Variants in TENT5A observed in about 807,000 individuals in gnomAD.
TENT5A encodes the protein terminal nucleotidyltransferase 5A.
TENT5A carries 9 observed loss-of-function variants against 30.2 expected under a neutral mutation model. That is an observed-to-expected ratio of 0.30 (90% CI 0.18 to 0.52). The LOEUF (loss-of-function observed/expected upper bound fraction) is 0.52, where lower values mean the gene tolerates loss of function less well. Among genes scored for constraint, TENT5A ranks in the 20% least tolerant of loss-of-function variants. TENT5A has a pLI of 0.97. For synonymous variants in TENT5A, 264 were observed against 234.2 expected, an observed-to-expected ratio of 1.13 and a Z score of -1.16; for missense variants, 411 against 566.1, an observed-to-expected ratio of 0.73 and a Z score of 2.78.
intron 2 of TENT5A, 31 bp downstream of exon 2, chr6:81,751,559 C>T: frequency 1.3e-6 from 2 of 1,569,504 alleles, no homozygotes; most frequent in Non-Finnish European, 8.7e-7. Context: ...CAGACTGGGT[C>T]AGGACCCAAG....
At position 81,746,955 on chromosome 6, in the gene TENT5A, T is replaced by G. The variant is rs1170545656; in HGVS notation, c.*2740A>C. 2.0e-6 allele frequency: 2 copies of G among 994,926 alleles called. No homozygotes were observed. The allele number at this position is 994,926 out of a possible 1,614,324, so 61.6% of individuals were successfully genotyped here. A position where few individuals can be genotyped will look rare whatever the true frequency, so the allele number is the denominator to read the frequency against. On this transcript the variant is annotated 3_prime_UTR_variant, in exon 3 of 3. Coordinates refer to ENST00000320172, the MANE Select transcript of TENT5A (RefSeq NM_017633.3). Reference sequence around the variant, plus strand: ...AGAAGTTGTCTTGAGTACAGCCTGTTCTATATGAATAGGTGCCAGGTGCTG... The same window carrying G: ...AGAAGTTGTCTTGAGTACAGCCTGTGCTATATGAATAGGTGCCAGGTGCTG...
At position 81,746,528 on chromosome 6, in the gene TENT5A, G is replaced by C. The variant is rs1310736870; in HGVS notation, c.*3167C>G. The stretch of plus-strand genomic sequence containing the variant: ...AGATACTTGATCCCATTTCTGGAAA[G>C]GAAATGTCCATCTTGGTGTAGGAGT... On this transcript the variant is annotated 3_prime_UTR_variant, in exon 3 of 3. Transcript: ENST00000320172. The C allele has an allele frequency of 1.6e-6, 2 of 1,231,932 alleles. No individual in the cohort carries two copies. The highest frequency in any genetic ancestry group is 3.1e-5 in the African/African-American group (2 of 64,386). The allele number at this position is 1,231,932 out of a possible 1,614,324, so 76.3% of individuals were successfully genotyped here.
Position 81,749,584 on chromosome 6 carries a change from A to G in TENT5A, c.*111T>C. 6.8e-7 allele frequency: 1 copy of G among 1,468,436 alleles called. No homozygotes were observed. Among genetic ancestry groups the G allele is most frequent in the Non-Finnish European group, 9.0e-7 (1 of 1,114,680 alleles). The allele number at this position is 1,468,436 out of a possible 1,614,324, so 91.0% of individuals were successfully genotyped here. On this transcript the variant is annotated 3_prime_UTR_variant, in exon 3 of 3. Transcript: ENST00000320172. ...AAAACCAGGAGCATATCATCATTGCACAAAACACATCCCTAATAAGGGCTG... is the reference window on the plus strand; with the variant it reads ...AAAACCAGGAGCATATCATCATTGCGCAAAACACATCCCTAATAAGGGCTG...
chr6:81,746,298 A>C lies in TENT5A; in HGVS notation c.*3397T>G. Reference sequence around the variant, plus strand: ...TTTCAACATAATACATTTCATTTACAAAATAGTTCACAATATTTATTTAAC... The same window carrying C: ...TTTCAACATAATACATTTCATTTACCAAATAGTTCACAATATTTATTTAAC... On this transcript the variant is annotated 3_prime_UTR_variant, in exon 3 of 3. Coordinates refer to ENST00000320172, the MANE Select transcript of TENT5A (RefSeq NM_017633.3). 1 of 1,211,604 alleles carries C rather than the reference A, an allele frequency of 8.3e-7. No individual in the cohort carries two copies. Among genetic ancestry groups the C allele is most frequent in the Non-Finnish European group, 1.0e-6 (1 of 975,674 alleles). The allele number at this position is 1,211,604 out of a possible 1,614,324, so 75.1% of individuals were successfully genotyped here.
In TENT5A at chr6:81,751,465, A is replaced by G. The variant is rs182392570; in HGVS notation, c.552+125T>C. On this transcript the variant is annotated intron_variant, in intron 2 of 2. Transcript: ENST00000320172. ...GTTTAAAAAATCAAAAATCAAAGAAATAACGCGCGCCCAAACTCGTGATGG... is the reference window on the plus strand; with the variant it reads ...GTTTAAAAAATCAAAAATCAAAGAAGTAACGCGCGCCCAAACTCGTGATGG... 2.6e-5 allele frequency: 23 copies of G among 885,778 alleles called. No individual in the cohort carries two copies. The Admixed American group carries it at 4.9e-4, about 19-fold the overall frequency. The allele number at this position is 885,778 out of a possible 1,614,324, so 54.9% of individuals were successfully genotyped here. A position where few individuals can be genotyped will look rare whatever the true frequency, so the allele number is the denominator to read the frequency against.
rs1768895941 is a variant in TENT5A, at chr6:81,746,821, C to T, written c.*2874G>A. 2.5e-6 allele frequency: 3 copies of T among 1,178,746 alleles called. No homozygotes were observed. Among genetic ancestry groups the T allele is most frequent in the Non-Finnish European group, 3.1e-6 (3 of 954,854 alleles). The allele number at this position is 1,178,746 out of a possible 1,614,324, so 73.0% of individuals were successfully genotyped here. On this transcript the variant is annotated 3_prime_UTR_variant, in exon 3 of 3. Transcript: ENST00000320172. ...ACCAGACATTCAAATTTTTAGGCCG[C>T]ACATCCACAAAGAGAGACATATATT...
In TENT5A at chr6:81,751,579, G is replaced by T; in HGVS notation, c.552+11C>A. 1 of 1,592,008 alleles carries T rather than the reference G, an allele frequency of 6.3e-7. No individual in the cohort carries two copies. The highest frequency in any genetic ancestry group is 8.6e-7 in the Non-Finnish European group (1 of 1,167,908). On this transcript the variant is annotated intron_variant, in intron 2 of 2. Transcript: ENST00000320172. ...TGGGTCAGGACCCAAGTGCATCTCG[G>T]GTGGTGTTACCTTGAGCGTGAGTGG...
rs1768897361 is a variant in TENT5A at position 81,746,890 on chromosome 6, C to A, written c.*2805G>T. The A allele has an allele frequency of 9.4e-7, 1 of 1,067,446 alleles. No homozygotes were observed. Among genetic ancestry groups the A allele is most frequent in the African/African-American group, 1.7e-5 (1 of 60,528 alleles). The allele number at this position is 1,067,446 out of a possible 1,614,324, so 66.1% of individuals were successfully genotyped here. A position where few individuals can be genotyped will look rare whatever the true frequency, so the allele number is the denominator to read the frequency against. ...CATATGCACAAGACTATAGTACACA[C>A]AAAATAGAAATAAATTATATAAGTC... On this transcript the variant is annotated 3_prime_UTR_variant, in exon 3 of 3. Coordinates refer to ENST00000320172, the MANE Select transcript of TENT5A (RefSeq NM_017633.3).
At position 81,748,171 on chromosome 6, in the gene TENT5A, G is replaced by C. The variant is rs755397941; in HGVS notation, c.*1524C>G. Reference sequence around the variant, plus strand: ...TTCATTAAAATTCATTTAAACATTAGCAAGTAGTGTTTAGATCACCGGAAA... The same window carrying C: ...TTCATTAAAATTCATTTAAACATTACCAAGTAGTGTTTAGATCACCGGAAA... On this transcript the variant is annotated 3_prime_UTR_variant, in exon 3 of 3. Coordinates refer to ENST00000320172, the MANE Select transcript of TENT5A (RefSeq NM_017633.3). 2.0e-6 allele frequency: 2 copies of C among 983,788 alleles called. No homozygotes were observed. Among genetic ancestry groups the C allele is most frequent in the African/African-American group, 1.8e-5 (1 of 57,104 alleles). 60.9% of individuals were successfully genotyped at this position (983,788 alleles called of 1,614,324 possible). A position where few individuals can be genotyped will look rare whatever the true frequency, so the allele number is the denominator to read the frequency against.
chr6:81,751,521 C>T, intron 2 of TENT5A, 69 bp downstream of exon 2: 1 of 1,405,178 alleles, frequency 7.1e-7, no homozygotes, highest in Admixed American at 2.1e-5. Flanking sequence ...ACCGATGCCC[C>T]TCTGCCCGCT....
Position 81,752,022 on chromosome 6 carries a change from GCC to G in TENT5A, c.118_119del (p.Gly40ArgfsTer153). The G allele has an allele frequency of 8.9e-7, 1 of 1,127,322 alleles. No homozygotes were observed. The highest frequency in any genetic ancestry group is 1.7e-5 in the South Asian group (1 of 57,180). 69.8% of individuals were successfully genotyped at this position (1,127,322 alleles called of 1,614,324 possible). A position where few individuals can be genotyped will look rare whatever the true frequency, so the allele number is the denominator to read the frequency against. The stretch of plus-strand genomic sequence containing the variant: ...CGAAGCTGCCGCCACCGCCGAAGTC[GCC>G]GCCGCCGAAGTCGCCGCCGCCGAAG... ...GDFGGGDFGG[G>X]DFGGGGSFGG... On this transcript the variant is annotated frameshift_variant, in exon 2 of 3. Transcript: ENST00000320172. LOFTEE classifies it high-confidence loss of function.
Position 81,748,436 on chromosome 6 carries a change from T to C in TENT5A, c.*1259A>G. 1.0e-6 allele frequency: 1 copy of C among 982,532 alleles called. No homozygotes were observed. Among genetic ancestry groups the C allele is most frequent in the Non-Finnish European group, 1.2e-6 (1 of 827,574 alleles). The allele number at this position is 982,532 out of a possible 1,614,324, so 60.9% of individuals were successfully genotyped here. ...CCCACTAAAACAGTATAATTTCTGC[T>C]CTTCCTATGAAATATATTACTTGGT... On this transcript the variant is annotated 3_prime_UTR_variant, in exon 3 of 3. Coordinates refer to ENST00000320172, the MANE Select transcript of TENT5A (RefSeq NM_017633.3).
chr6:81,748,384 A>T lies in TENT5A; in HGVS notation c.*1311T>A. ...ATTTGTGGAATTTTATGGCTCACCA[A>T]AGAAAAAAAAAAAAAGAAAAAAAAA... On this transcript the variant is annotated 3_prime_UTR_variant, in exon 3 of 3. Transcript: ENST00000320172. The T allele has an allele frequency of 1.0e-6, 1 of 982,158 alleles. No homozygotes were observed. The highest frequency in any genetic ancestry group is 1.2e-6 in the Non-Finnish European group (1 of 828,188). The allele number at this position is 982,158 out of a possible 1,614,324, so 60.8% of individuals were successfully genotyped here. A position where few individuals can be genotyped will look rare whatever the true frequency, so the allele number is the denominator to read the frequency against.
rs1016183457 is a variant in TENT5A, at chr6:81,746,807, A to C, written c.*2888T>G. ...CATGGCTCTCTCTCACCAGACATTC[A>C]AATTTTTAGGCCGCACATCCACAAA... On this transcript the variant is annotated 3_prime_UTR_variant, in exon 3 of 3. Transcript: ENST00000320172. 5.0e-6 allele frequency: 6 copies of C among 1,195,268 alleles called. No homozygotes were observed. In the South Asian group the frequency reaches 2.2e-4, roughly 43 times the overall value. The allele number at this position is 1,195,268 out of a possible 1,614,324, so 74.0% of individuals were successfully genotyped here.
chr6:81,749,720 T>C lies in TENT5A; in HGVS notation c.1304A>G (p.Tyr435Cys). 6.2e-7 allele frequency: 1 copy of C among 1,611,274 alleles called. No individual in the cohort carries two copies. The highest frequency in any genetic ancestry group is 1.7e-5 in the Admixed American group (1 of 59,470). The change falls in exon 3 of 3, where the codon TAC becomes TGC. Residue 435 changes from tyrosine to cysteine, a missense_variant. Around this residue, in one of 5 missense-constraint regions of TENT5A, gnomAD observed 75 missense variants for 80.9 expected, o/e 0.93. Coordinates refer to ENST00000320172, the MANE Select transcript of TENT5A (RefSeq NM_017633.3). The stretch of plus-strand genomic sequence containing the variant: ...TTAATTGCAGGGTAGCCAAGTGGAG[T>C]AGGTCTGTTGCTGGCACGTGAATAC... ...QPVFTCQQQT[Y>C]STWLPCN
chr6:81,747,091 G>A lies in TENT5A; in HGVS notation c.*2604C>T. ...AAGGCTCTTCCAAACAAAAATCTGT[G>A]TTATAAATTAACAGCAGGTTATTGT... On this transcript the variant is annotated 3_prime_UTR_variant, in exon 3 of 3. Coordinates refer to ENST00000320172, the MANE Select transcript of TENT5A (RefSeq NM_017633.3). 1 of 984,326 alleles carries A rather than the reference G, an allele frequency of 1.0e-6. No individual in the cohort carries two copies. Among genetic ancestry groups the A allele is most frequent in the Non-Finnish European group, 1.2e-6 (1 of 828,966 alleles). The allele number at this position is 984,326 out of a possible 1,614,324, so 61.0% of individuals were successfully genotyped here. A position where few individuals can be genotyped will look rare whatever the true frequency, so the allele number is the denominator to read the frequency against.
chr6:81,752,371 C>G lies in TENT5A; in HGVS notation c.-38+60G>C, dbSNP rs773120719. ...CGCACCGCGCCCCGCAGAGCAGCCCCGCACCAAAAGTATCTCTGATGCATC... is the reference window on the plus strand; with the variant it reads ...CGCACCGCGCCCCGCAGAGCAGCCCGGCACCAAAAGTATCTCTGATGCATC... On this transcript the variant is annotated intron_variant, in intron 1 of 2. Coordinates refer to ENST00000320172, the MANE Select transcript of TENT5A (RefSeq NM_017633.3). The G allele has an allele frequency of 3.9e-6, 6 of 1,549,776 alleles. No individual in the cohort carries two copies. In the South Asian group the frequency reaches 7.1e-5, roughly 18 times the overall value.
At position 81,748,018 on chromosome 6, in the gene TENT5A, G is replaced by C. The variant is rs759319407; in HGVS notation, c.*1677C>G. 112 of 975,832 alleles carry C rather than the reference G, an allele frequency of 1.1e-4. No individual in the cohort carries two copies. Among genetic ancestry groups the C allele is most frequent in the Non-Finnish European group, 1.3e-4 (109 of 821,208 alleles). 60.4% of individuals were successfully genotyped at this position (975,832 alleles called of 1,614,324 possible). ...AACCAGATCAAAGATGTTTCATATT[G>C]ACATGATTTATAAAATGTTATATAT... On this transcript the variant is annotated 3_prime_UTR_variant, in exon 3 of 3. Coordinates refer to ENST00000320172, the MANE Select transcript of TENT5A (RefSeq NM_017633.3).
In TENT5A at chr6:81,746,380, A is replaced by T; in HGVS notation, c.*3315T>A. ...GTGAAGCAACCAACAATAAGCAAAC[A>T]GAAAGGGGTGGTAAAAACAGTACGT... On this transcript the variant is annotated 3_prime_UTR_variant, in exon 3 of 3. Coordinates refer to ENST00000320172, the MANE Select transcript of TENT5A (RefSeq NM_017633.3). The T allele has an allele frequency of 2.4e-6, 3 of 1,228,814 alleles. No individual in the cohort carries two copies. The highest frequency in any genetic ancestry group is 3.0e-6 in the Non-Finnish European group (3 of 986,224). The allele number at this position is 1,228,814 out of a possible 1,614,324, so 76.1% of individuals were successfully genotyped here. A position where few individuals can be genotyped will look rare whatever the true frequency, so the allele number is the denominator to read the frequency against.
Sources: allele counts gnomAD v4.1 joint callset, GRCh38; gene constraint gnomAD v4.1.1; regional missense constraint gnomAD v4.1.1; transcripts MANE v1.5; gene names NCBI Gene and HGNC (gene_info 2026-07-23, HGNC 2026-07-21).